COL9A3: variants seen among roughly 807,000 people sequenced by gnomAD.
COL9A3 encodes the protein collagen alpha-3(IX) chain.
COL9A3 carries 82 observed loss-of-function variants against 110.2 expected under a neutral mutation model. The ratio of observed to expected loss-of-function variants is 0.74; its 90% CI spans 0.62 to 0.89. The LOEUF (loss-of-function observed/expected upper bound fraction) is 0.89, where lower values mean the gene tolerates loss of function less well. COL9A3 is among the 40% of genes least tolerant of loss of function. The pLI is 0.00. For synonymous variants in COL9A3, 494 were observed against 403.8 expected (o/e 1.22, Z -2.68); for missense variants, 1,066 against 981.3 (o/e 1.09, Z -1.15).
At chr20:62,824,040 C>T (rs2063530232) in intron 10 of COL9A3, among the ~76,000 whole-genome samples, 1 of 144,352 alleles carries the variant, frequency 6.9e-6, no homozygotes, top group Non-Finnish European at 1.5e-5. Flanking sequence ...GGAGTGGCCT[C>T]CTGGGGTCCT....
chr20:62,827,411 G>C (rs1359040870), intron 16 of COL9A3, 117 bp downstream of exon 16: 1 of 1,109,012 alleles, frequency 9.0e-7, no homozygotes, highest in Non-Finnish European at 1.3e-6. Context: ...GGCTGCCTGG[G>C]TGGGCCTGGG....
intron 16 of COL9A3, 83 bp downstream of exon 16, chr20:62,827,377 A>G: frequency 6.9e-7 from 1 of 1,456,648 alleles, no homozygotes; most frequent in Non-Finnish European, 9.5e-7. Flanking sequence ...GGAGGGGGAC[A>G]CACTTGGGAG....
intron 16 of COL9A3, 63 bp downstream of exon 16, chr20:62,827,357 C>T (rs1461624596): frequency 4.5e-6 from 7 of 1,544,300 alleles, no homozygotes; most frequent in Non-Finnish European, 1.8e-6. Flanking sequence ...TCCCTCCTGA[C>T]TCGTGCTGGG....
chr20:62,832,802 A>G, intron 25 of COL9A3: 1 of 547,650 alleles, frequency 1.8e-6, no homozygotes, highest in Non-Finnish European at 3.3e-6. Context: ...CTCATTATGC[A>G]AACAAATGTC....
chr20:62,840,551 G>C lies in COL9A3; in HGVS notation c.1874G>C (p.Gly625Ala). 2 of 1,611,882 alleles carry C rather than the reference G, an allele frequency of 1.2e-6. No individual in the cohort carries two copies. Among genetic ancestry groups the C allele is most frequent in the Non-Finnish European group, 1.7e-6 (2 of 1,179,800 alleles). Residue 625 changes from glycine to alanine, a missense_variant, in exon 32 of 32, where the codon GGC becomes GCC. Coordinates refer to ENST00000649368, the MANE Select transcript of COL9A3 (RefSeq NM_001853.4). The part of the protein sequence containing the change: ...EGDQGPQGPQ[G>A]VPGTSKDGQD... The stretch of plus-strand genomic sequence containing the variant: ...TCTGCTCTGTCCCAAGGACCCCAAG[G>C]CGTGCCCGGCACCAGCAAGGACGGC...
intron 25 of COL9A3, 189 bp from the exon 26 acceptor site, chr20:62,832,830 GC>G: frequency 2.2e-6 from 1 of 461,848 alleles, no homozygotes. Flanking sequence ...TTTTGGCCCC[GC>G]CCCTGCCTGC....
intron 29 of COL9A3, 174 bp downstream of exon 29, chr20:62,836,706 C>T (rs1330060300): frequency 4.2e-6 from 3 of 720,738 alleles, no homozygotes; most frequent in Non-Finnish European, 6.8e-6. Flanking sequence ...TCTGCCTGTC[C>T]TCTGCGCTAG....
In COL9A3 at chr20:62,837,179, C is replaced by T. The variant is rs748114912; in HGVS notation, c.1700C>T (p.Pro567Leu). ...GCTGGCCCCCCTGGGCCCCCAGGAC[C>T]CCCAGGCTCCATTGGTCACCCTGGC... ...GPAGPPGPPG[P>L]PGSIGHPGAR... Residue 567 changes from proline (P) to leucine (L), a missense_variant, in exon 30 of 32, where the codon CCC becomes CTC. Transcript: ENST00000649368. The T allele has an allele frequency of 6.2e-7, 1 of 1,612,782 alleles. No individual in the cohort carries two copies. Among genetic ancestry groups the T allele is most frequent in the Non-Finnish European group, 8.5e-7 (1 of 1,179,942 alleles).
chr20:62,829,313 G>T, intron 19 of COL9A3, 142 bp from the exon 20 acceptor site: 1 of 1,149,300 alleles, frequency 8.7e-7, no homozygotes, highest in South Asian at 1.4e-5. Context: ...CGCACCTCAG[G>T]TCCACAAGGC....
chr20:62,825,975 T>G lies in COL9A3; in HGVS notation c.684+105T>G, dbSNP rs573923660. 1.0e-5 allele frequency: 14 copies of G among 1,334,944 alleles called. No individual in the cohort carries two copies. The South Asian group carries it at 1.7e-4, about 16-fold the overall frequency. The allele number at this position is 1,334,944 out of a possible 1,614,324, so 82.7% of individuals were successfully genotyped here. ...GAGGGGGCCAGCTCCGGCTGGGGGG[T>G]GTTTGGCCAACACCCAGGCACAGGA... On this transcript the variant is annotated intron_variant, in intron 13 of 31. Transcript: ENST00000649368.
chr20:62,840,773 AC>A lies in COL9A3; in HGVS notation c.*42del. 1 of 1,549,640 alleles carries A rather than the reference AC, an allele frequency of 6.5e-7. No homozygotes were observed. Among genetic ancestry groups the A allele is most frequent in the Non-Finnish European group, 8.7e-7 (1 of 1,145,108 alleles). ...AGCAAGTGACAAGGACGCCCGAAGC[AC>A]AGTGGACGGTCATGAAGGAGCGGGG... On this transcript the variant is annotated 3_prime_UTR_variant, in exon 32 of 32. Transcript: ENST00000649368.
chr20:62,819,801 T>TG, intron 4 of COL9A3, 128 bp from the exon 5 acceptor site: 1 of 1,019,342 alleles, frequency 9.8e-7, no homozygotes, highest in Non-Finnish European at 1.5e-6. Context: ...GAGAGGAGGC[T>TG]GCCACCCTAA....
intron 10 of COL9A3, 81 bp downstream of exon 10, chr20:62,822,713 G>A: frequency 6.8e-7 from 1 of 1,472,318 alleles, no homozygotes; most frequent in Non-Finnish European, 9.4e-7. Context: ...AGAGGGGCTT[G>A]TCCATACTGG....
intron 16 of COL9A3, among the ~76,000 whole-genome samples, chr20:62,827,558 G>C (rs577792953): frequency 2.0e-5 from 3 of 152,198 alleles, no homozygotes; most frequent in African/African-American, 7.2e-5. Context: ...AGGCTCCAGG[G>C]CTTGGATCCT....
rs1256190212 is a variant in COL9A3 at position 62,841,138 on chromosome 20, G to A, written c.*406G>A. On this transcript the variant is annotated 3_prime_UTR_variant, in exon 32 of 32. Transcript: ENST00000649368. ...AGTAACAAAAAATAAAGAATTTAATGTACAGTAAATTCTCTCCCATACAAA... is the reference window on the plus strand; with the variant it reads ...AGTAACAAAAAATAAAGAATTTAATATACAGTAAATTCTCTCCCATACAAA... The A allele has an allele frequency of 1.8e-5, 4 of 217,540 alleles. No individual in the cohort carries two copies. The highest frequency in any genetic ancestry group is 7.0e-5 in the African/African-American group (3 of 42,578). 13.5% of individuals were successfully genotyped at this position (217,540 alleles called of 1,614,324 possible).
At chr20:62,831,900 C>G (rs45444401) in intron 24 of COL9A3, 1 of 567,148 alleles carries the variant, frequency 1.8e-6, no homozygotes, top group African/African-American at 1.9e-5. Flanking sequence ...CACGAATTCA[C>G]GGGTGTTACA....
At chr20:62,821,388 C>G in intron 6 of COL9A3, 119 bp from the exon 7 acceptor site, 1 of 1,437,112 alleles carries the variant, frequency 7.0e-7, no homozygotes. Flanking sequence ...TGGGCTGGGA[C>G]CAGACACCCA....
In COL9A3 at chr20:62,829,445, C is replaced by T. The variant is rs1206350261; in HGVS notation, c.1009-10C>T. ...ACTGGCAGCCCTGACCGCAAGCTCT[C>T]TCCTGGCAGGGCCTCCCTGGACGAG... On this transcript the variant is annotated splice_polypyrimidine_tract_variant and intron_variant, in intron 19 of 31. Coordinates refer to ENST00000649368, the MANE Select transcript of COL9A3 (RefSeq NM_001853.4). The T allele has an allele frequency of 6.2e-7, 1 of 1,612,656 alleles. No individual in the cohort carries two copies. Among genetic ancestry groups the T allele is most frequent in the Non-Finnish European group, 8.5e-7 (1 of 1,179,936 alleles).
In COL9A3 at chr20:62,829,492, G is replaced by C. The variant is rs370537858; in HGVS notation, c.1046G>C (p.Gly349Ala). ...CGAGCGGGGTCCAAAGGCGAGAAGG[G>C]AGAACGGGTATGTGGCTGCAGCCGC... ...PGRAGSKGEK[G>A]ERGRAGELGE... Residue 349 changes from glycine to alanine, a missense_variant, in exon 20 of 32, where the codon GGA (glycine) becomes GCA (alanine). Coordinates refer to ENST00000649368, the MANE Select transcript of COL9A3 (RefSeq NM_001853.4). 9.8e-5 allele frequency: 158 copies of C among 1,612,544 alleles called. No individual in the cohort carries two copies. The highest frequency in any genetic ancestry group is 1.3e-4 in the Non-Finnish European group (153 of 1,179,824).
Sources: gnomAD v4.1 joint callset for allele counts (sites outside exome capture counted in the v4.1 genomes callset) on GRCh38, gnomAD v4.1.1 for gene constraint, MANE v1.5 for transcripts, NCBI Gene and HGNC (gene_info 2026-07-23, HGNC 2026-07-21) for gene names.